DTNA: variants seen among roughly 807,000 people sequenced by gnomAD.
The protein encoded by DTNA is dystrobrevin alpha, also known as dystrophin-related protein 3.
Under a neutral mutation model 100.7 loss-of-function variants are expected in DTNA, and 43 were observed. That is an observed-to-expected ratio of 0.43 (90% confidence interval 0.33 to 0.55). The LOEUF is 0.55. Among genes scored for constraint, DTNA ranks in the 20% least tolerant of loss-of-function variants. The pLI, the probability that DTNA is intolerant of heterozygous loss-of-function variation, is 0.04. For synonymous variants in DTNA, 349 were observed against 347.9 expected, an observed-to-expected ratio of 1.00 and a Z score of -0.04; for missense variants, 798 against 953.9, an observed-to-expected ratio of 0.84 and a Z score of 2.15.
chr18:34,534,705 CGTT>C (rs1344797766), intron 1 of DTNA, among the ~76,000 whole-genome samples: 1 of 152,046 alleles, frequency 6.6e-6, no homozygotes, highest in Non-Finnish European at 1.5e-5. Flanking sequence ...CATGTGTTCT[CGTT>C]GTTCACCTCC....
intron 1 of DTNA, among the ~76,000 whole-genome samples, chr18:34,509,118 A>G (rs566872237): frequency 6.6e-6 from 1 of 152,192 alleles, no homozygotes; most frequent in South Asian, 2.1e-4. Flanking sequence ...TTTGGGGATA[A>G]GACTTTTCCA....
At chr18:34,648,715 A>G (rs896405713) in intron 1 of DTNA, among the ~76,000 whole-genome samples, 3 of 152,248 alleles carry the variant, frequency 2.0e-5, no homozygotes, top group Non-Finnish European at 2.9e-5. Flanking sequence ...AATAGCAAGC[A>G]TTTAAACTTA....
intron 11 of DTNA, among the ~76,000 whole-genome samples, chr18:34,836,562 C>T (rs1426403373): frequency 6.7e-6 from 1 of 149,462 alleles, no homozygotes; most frequent in African/African-American, 2.5e-5. Flanking sequence ...GCAGGAGAAT[C>T]ACTTGAACCT....
chr18:34,775,819 C>T (rs927532946), intron 3 of DTNA, among the ~76,000 whole-genome samples: 7 of 152,238 alleles, frequency 4.6e-5, no homozygotes, highest in Non-Finnish European at 1.0e-4. Context: ...GGGAACCAGT[C>T]ATGCCATACT....
intron 10 of DTNA, among the ~76,000 whole-genome samples, chr18:34,828,401 C>A (rs1180532113): frequency 1.3e-5 from 2 of 152,068 alleles, no homozygotes; most frequent in Non-Finnish European, 2.9e-5. Context: ...AAAGCAAAAA[C>A]AAAGGTAAGG....
At chr18:34,870,929 C>T (rs1326988678) in intron 17 of DTNA, among the ~76,000 whole-genome samples, 1 of 152,196 alleles carries the variant, frequency 6.6e-6, no homozygotes, top group Non-Finnish European at 1.5e-5. Context: ...ACACTCTATA[C>T]ACAATGAGCA....
intron 1 of DTNA, among the ~76,000 whole-genome samples, chr18:34,647,151 A>G (rs2059940048): frequency 6.7e-6 from 1 of 149,162 alleles, no homozygotes; most frequent in Admixed American, 6.6e-5. Context: ...ATTCAAAATG[A>G]GAATAACACA....
At chr18:34,602,681 G>A (rs1485251239) in intron 1 of DTNA, among the ~76,000 whole-genome samples, 1 of 151,754 alleles carries the variant, frequency 6.6e-6, no homozygotes, top group African/African-American at 2.4e-5. Flanking sequence ...GGGAAATGTA[G>A]TGAGAGCCTG....
intron 21 of DTNA, 21 bp downstream of exon 21, chr18:34,882,222 C>T: frequency 6.2e-7 from 1 of 1,613,042 alleles, no homozygotes; most frequent in African/African-American, 1.3e-5. Flanking sequence ...CCAGGCCCAC[C>T]CCACCCCACC....
At chr18:34,591,596 G>C (rs947980818) in intron 1 of DTNA, among the ~76,000 whole-genome samples, 2 of 152,144 alleles carry the variant, frequency 1.3e-5, no homozygotes, top group East Asian at 1.9e-4. Flanking sequence ...TTTTGACAGA[G>C]GGATAAAGAA....
In DTNA at chr18:34,755,960, C is replaced by T. The variant is rs1373765858; in HGVS notation, c.-1-16C>T. 1.2e-6 allele frequency: 2 copies of T among 1,610,812 alleles called. No homozygotes were observed. Among genetic ancestry groups the T allele is most frequent in the Non-Finnish European group, 1.7e-6 (2 of 1,177,748 alleles). ...AGCGTGAGGATAATACACATTGTAA[C>T]TATTTTGTCTCATAGAATGATTGAA... On this transcript the variant is annotated splice_polypyrimidine_tract_variant and intron_variant, in intron 1 of 22. Coordinates refer to ENST00000444659, the MANE Select transcript of DTNA (RefSeq NM_001386795.1).
intron 1 of DTNA, among the ~76,000 whole-genome samples, chr18:34,742,645 G>GATAGATAGATAATCTATTATCTATCTAA (rs2090895742): frequency 6.6e-6 from 1 of 152,012 alleles, no homozygotes; most frequent in Non-Finnish European, 1.5e-5. Flanking sequence ...TATCTATCTA[G>GATAGATAGATAATCTATTATCTATCTAA]ATAGATAGAT....
chr18:34,720,879 T>C (rs2085159911), intron 1 of DTNA, among the ~76,000 whole-genome samples: 1 of 152,198 alleles, frequency 6.6e-6, no homozygotes, highest in South Asian at 2.1e-4. Context: ...CTTCCAACTA[T>C]TAGGGAATAC....
intron 1 of DTNA, among the ~76,000 whole-genome samples, chr18:34,543,468 A>C (rs771811324): frequency 2.0e-5 from 3 of 152,056 alleles, no homozygotes; most frequent in Non-Finnish European, 2.9e-5. Flanking sequence ...CTTGGATAGG[A>C]AAGCTGTGCT....
chr18:34,622,158 A>G (rs992735946), intron 1 of DTNA, among the ~76,000 whole-genome samples: 4 of 152,224 alleles, frequency 2.6e-5, no homozygotes, highest in African/African-American at 9.6e-5. Flanking sequence ...TCACAAAACC[A>G]TAAGTATGTG....
intron 1 of DTNA, among the ~76,000 whole-genome samples, chr18:34,678,637 A>G (rs961207224): frequency 5.9e-5 from 9 of 152,158 alleles, no homozygotes; most frequent in Admixed American, 2.6e-4. Flanking sequence ...AGAAGCAAGG[A>G]AGAAAGGGTG....
chr18:34,784,916 A>T (rs2094456806), intron 3 of DTNA, among the ~76,000 whole-genome samples: 1 of 150,882 alleles, frequency 6.6e-6, no homozygotes, highest in South Asian at 2.1e-4. Flanking sequence ...CATGGCAACT[A>T]GTGATACACT....
chr18:34,685,044 G>A (rs2078685477), intron 1 of DTNA, among the ~76,000 whole-genome samples: 1 of 152,066 alleles, frequency 6.6e-6, no homozygotes, highest in Non-Finnish European at 1.5e-5. Context: ...CTGGATATTA[G>A]CCCTTTGTCA....
chr18:34,814,302 A>G (rs1187943577), intron 6 of DTNA, among the ~76,000 whole-genome samples: 1 of 152,206 alleles, frequency 6.6e-6, no homozygotes, highest in African/African-American at 2.4e-5. Context: ...TTAGTGTATT[A>G]TAGAATAATT....
Sources: allele counts gnomAD v4.1 joint callset (sites outside exome capture counted in the v4.1 genomes callset), GRCh38; gene constraint gnomAD v4.1.1; transcripts MANE v1.5; gene names NCBI Gene and HGNC (gene_info 2026-07-23, HGNC 2026-07-21).